KCNMA1: variants seen among roughly 807,000 people sequenced by gnomAD.
KCNMA1 encodes Calcium-activated potassium channel subunit alpha-1.
KCNMA1 carries 29 observed loss-of-function variants against 140.0 expected under a neutral mutation model. The observed-to-expected ratio is 0.21, with a 90% CI of 0.15 to 0.28. The LOEUF (loss-of-function observed/expected upper bound fraction) is 0.28. Among genes scored for constraint, KCNMA1 ranks in the 10% least tolerant of loss-of-function variants. The pLI is 1.00. For missense variants in KCNMA1, 880 were observed against 1,602.2 expected (o/e 0.55, Z 7.70); for synonymous variants, 612 against 611.9 (o/e 1.00, Z 0.00).
chr10:76,890,760 C>T (rs1357097008), intron 26 of KCNMA1, among the ~76,000 whole-genome samples: 2 of 152,192 alleles, frequency 1.3e-5, no homozygotes, highest in African/African-American at 4.8e-5. Flanking sequence ...AGACAGCACA[C>T]TTCTGTCACA....
At chr10:77,301,798 A>G (rs557631378) in intron 2 of KCNMA1, among the ~76,000 whole-genome samples, 2 of 150,536 alleles carry the variant, frequency 1.3e-5, no homozygotes, top group African/African-American at 2.4e-5. Flanking sequence ...TTGGCAATCC[A>G]GTGAGAAAGC....
intron 1 of KCNMA1, among the ~76,000 whole-genome samples, chr10:77,451,873 T>A (rs187049453): frequency 6.6e-6 from 1 of 152,306 alleles, no homozygotes; most frequent in East Asian, 1.9e-4. Flanking sequence ...CAAAACATAT[T>A]TGAAATGTAT....
chr10:76,900,109 A>G (rs937986562), intron 25 of KCNMA1, among the ~76,000 whole-genome samples: 3 of 151,944 alleles, frequency 2.0e-5, no homozygotes, highest in Admixed American at 6.6e-5. Context: ...AATGTTTTCA[A>G]TTATCATATG....
intron 29 of KCNMA1, chr10:76,877,907 T>C (rs759718471): frequency 6.2e-7 from 1 of 1,605,294 alleles, no homozygotes; most frequent in East Asian, 2.2e-5. Context: ...AAGGGCAAAA[T>C]GGATAGAGAA....
intron 12 of KCNMA1, among the ~76,000 whole-genome samples, chr10:77,080,650 C>G (rs998087705): frequency 2.0e-5 from 3 of 152,074 alleles, no homozygotes; most frequent in Non-Finnish European, 2.9e-5. Flanking sequence ...TATGCATGTG[C>G]GTACTGGGGA....
chr10:77,203,995 C>G (rs1426440503), intron 3 of KCNMA1, among the ~76,000 whole-genome samples: 1 of 151,124 alleles, frequency 6.6e-6, no homozygotes, highest in African/African-American at 2.4e-5. Flanking sequence ...ACTTGGGAGA[C>G]TGAGTCAGGA....
chr10:77,601,639 G>A (rs2082677025), intron 1 of KCNMA1, among the ~76,000 whole-genome samples: 1 of 152,200 alleles, frequency 6.6e-6, no homozygotes, highest in Non-Finnish European at 1.5e-5. Flanking sequence ...ACAGGAGTCA[G>A]CAAGACACTG....
chr10:77,110,273 T>G lies in KCNMA1; in HGVS notation c.1031A>C (p.Tyr344Ser). The G allele has an allele frequency of 6.2e-7, 1 of 1,613,882 alleles. No homozygotes were observed. The highest frequency in any genetic ancestry group is 8.5e-7 in the Non-Finnish European group (1 of 1,179,816). The change falls in exon 8 of 28, where the codon TAT becomes TCT. Residue 344 changes from tyrosine (Y) to serine (S), a missense_variant. By Grantham distance (144) the Tyr-to-Ser change is moderately radical. Coordinates refer to ENST00000286628, the MANE Select transcript of KCNMA1 (RefSeq NM_001161352.2). The stretch of plus-strand genomic sequence containing the variant: ...GGTGGACATTGTGACCATGAGTAAA[T>G]AGACACATTCCCAGTAGGTGAGAGC... ...NQALTYWECV[Y>S]LLMVTMSTVG...
At chr10:77,310,594 T>C (rs569144716) in intron 2 of KCNMA1, among the ~76,000 whole-genome samples, 1 of 152,348 alleles carries the variant, frequency 6.6e-6, no homozygotes, top group African/African-American at 2.4e-5. Flanking sequence ...AGAGCTCACT[T>C]CTTAAAACCC....
rs1052974239 is a variant in KCNMA1, at chr10:77,446,815, C to T, written c.379-42792G>A. On this transcript the variant is annotated intron_variant, in intron 1 of 27. Coordinates refer to ENST00000286628, the MANE Select transcript of KCNMA1 (RefSeq NM_001161352.2). ...CAAGGTGACAGCCTCTCTGCCCAGG[C>T]GTCCACACTGCAATGTTTTCCATAT... Among the ~76,000 whole-genome samples, 7 of 152,342 alleles carry T rather than the reference C, an allele frequency of 4.6e-5. No homozygotes were observed. In the East Asian group the frequency reaches 7.7e-4, roughly 17 times the overall value.
chr10:77,167,774 G>A lies in KCNMA1; in HGVS notation c.808+15647C>T, dbSNP rs144321911. Among the ~76,000 whole-genome samples, 553 of 151,354 alleles carry A rather than the reference G, an allele frequency of 3.7e-3. 4 individuals carry two copies. Among genetic ancestry groups the A allele is most frequent in the African/African-American group, 0.013 (527 of 41,210 alleles). ...CATGATCTTGTCTCACTGCAGCCTCGACTTCCTCGAGCAATCCTTCCACCT... is the reference window on the plus strand; with the variant it reads ...CATGATCTTGTCTCACTGCAGCCTCAACTTCCTCGAGCAATCCTTCCACCT... On this transcript the variant is annotated intron_variant, in intron 5 of 27. Coordinates refer to ENST00000286628, the MANE Select transcript of KCNMA1 (RefSeq NM_001161352.2).
intron 2 of KCNMA1, among the ~76,000 whole-genome samples, chr10:77,254,658 T>C (rs2060354376): frequency 6.6e-6 from 1 of 152,152 alleles, no homozygotes; most frequent in Non-Finnish European, 1.5e-5. Context: ...AGTAACTGGG[T>C]AAAGATAGAA....
chr10:77,237,289 C>T (rs1370719606), intron 3 of KCNMA1, among the ~76,000 whole-genome samples: 2 of 152,216 alleles, frequency 1.3e-5, no homozygotes, highest in Non-Finnish European at 2.9e-5. Context: ...TGACATCTCT[C>T]ATCACCACTT....
intron 14 of KCNMA1, among the ~76,000 whole-genome samples, chr10:77,058,987 G>C (rs1313200836): frequency 1.3e-5 from 2 of 151,726 alleles, no homozygotes; most frequent in African/African-American, 4.8e-5. Context: ...ACAAATAAGA[G>C]AGAAGACACA....
chr10:77,371,151 G>A (rs756004133), intron 2 of KCNMA1, among the ~76,000 whole-genome samples: 16 of 152,136 alleles, frequency 1.1e-4, no homozygotes, highest in Non-Finnish European at 1.6e-4. Flanking sequence ...AACACTGAAC[G>A]AGACACGCTG....
chr10:77,097,896 G>A (rs75003149), intron 9 of KCNMA1, among the ~76,000 whole-genome samples: 2,523 of 152,276 alleles, frequency 0.017, 109 homozygotes, highest in East Asian at 0.14. Flanking sequence ...CCTAAATGGG[G>A]CAGAAGTCTG....
At chr10:77,377,068 G>A (rs1438537050) in intron 2 of KCNMA1, among the ~76,000 whole-genome samples, 3 of 152,278 alleles carry the variant, frequency 2.0e-5, no homozygotes, top group Middle Eastern at 3.4e-3. Flanking sequence ...TGTGAGGTAA[G>A]GAGAAGAGCC....
intron 1 of KCNMA1, among the ~76,000 whole-genome samples, chr10:77,522,642 G>A (rs904318801): frequency 6.6e-6 from 1 of 152,178 alleles, no homozygotes; most frequent in Admixed American, 6.5e-5. Context: ...GCAGAGTTGT[G>A]GGACCTAGCT....
At chr10:77,216,710 T>C (rs1050998435) in intron 3 of KCNMA1, among the ~76,000 whole-genome samples, 2 of 152,224 alleles carry the variant, frequency 1.3e-5, no homozygotes, top group African/African-American at 4.8e-5. Context: ...TTAAAGATAA[T>C]TTATTAACCA....
Sources: gnomAD v4.1 joint callset for allele counts (sites outside exome capture counted in the v4.1 genomes callset) on GRCh38, gnomAD v4.1.1 for gene constraint, MANE v1.5 for transcripts, NCBI Gene and HGNC (gene_info 2026-07-23, HGNC 2026-07-21) for gene names.